The following LPP variants were observed in gnomAD, a reference collection of about 807,000 sequenced individuals.
LPP encodes the protein lipoma-preferred partner.
In LPP, 38 loss-of-function variants were observed where a neutral mutation model predicts 60.4. The ratio of observed to expected loss-of-function variants is 0.63; its 90% CI spans 0.49 to 0.83. The LOEUF is 0.83. Ranked by LOEUF, LPP falls within the 40% of genes least tolerant of loss-of-function variation. The probability of loss-of-function intolerance (pLI) is 0.00; values close to 1 mark genes in which losing one functional copy is unlikely to be tolerated. For missense variants in LPP, 902 were observed against 783.6 expected (o/e 1.15, Z -1.80); for synonymous variants, 328 against 290.8 (o/e 1.13, Z -1.30).
intron 7 of LPP, among the ~76,000 whole-genome samples, chr3:188,694,320 T>A (rs917338214): frequency 6.6e-6 from 1 of 152,222 alleles, no homozygotes; most frequent in African/African-American, 2.4e-5. Flanking sequence ...ATTTTAAGAT[T>A]TAACATTAAT....
chr3:188,402,527 G>C (rs1782494883), intron 3 of LPP, among the ~76,000 whole-genome samples: 1 of 152,276 alleles, frequency 6.6e-6, no homozygotes, highest in South Asian at 2.1e-4. Context: ...TGCCAAGATA[G>C]TTCAATATCT....
Position 188,731,376 on chromosome 3 carries a change from G to C in LPP, c.1240+22983G>C, listed in dbSNP as rs765760951. On this transcript the variant is annotated intron_variant, in intron 8 of 11. Transcript: ENST00000617246. ...ATTTAACAACCACATGAAGCTCCTGGATTATCTGGGGCATGTTTGCTGATT... is the reference window on the plus strand; with the variant it reads ...ATTTAACAACCACATGAAGCTCCTGCATTATCTGGGGCATGTTTGCTGATT... 5.1e-4 allele frequency among the ~76,000 whole-genome samples: 78 copies of C among 152,114 alleles called. 2 individuals are homozygous for C. Among genetic ancestry groups the C allele is most frequent in the Non-Finnish European group, 1.5e-4 (10 of 68,026 alleles).
intron 7 of LPP, among the ~76,000 whole-genome samples, chr3:188,693,044 T>G (rs1862458254): frequency 6.6e-6 from 1 of 152,078 alleles, no homozygotes; most frequent in African/African-American, 2.4e-5. Context: ...GCATTTAGAG[T>G]TTTTGATGAT....
chr3:188,710,169 C>T (rs187454024), intron 8 of LPP: 78 of 152,256 alleles, frequency 5.1e-4, no homozygotes, highest in African/African-American at 1.9e-3. Context: ...TATGTAATGA[C>T]AGGTCAACTG....
chr3:188,739,817 G>T (rs1238898961), intron 8 of LPP, among the ~76,000 whole-genome samples: 1 of 151,992 alleles, frequency 6.6e-6, no homozygotes, highest in Non-Finnish European at 1.5e-5. Flanking sequence ...CTAAAAGCCA[G>T]AGTTTGGAAA....
intron 2 of LPP, among the ~76,000 whole-genome samples, chr3:188,240,671 A>G (rs142351424): frequency 6.6e-6 from 1 of 151,644 alleles, no homozygotes; most frequent in South Asian, 2.1e-4. Context: ...CAATCATGTC[A>G]ACTAGTAAGG....
Position 188,178,138 on chromosome 3 carries a change from G to A in LPP, c.-190+23886G>A, listed in dbSNP as rs1026512148. On this transcript the variant is annotated intron_variant, in intron 1 of 11. Coordinates refer to ENST00000617246, the MANE Select transcript of LPP (RefSeq NM_001375462.1). ...CTGATGGAGCTCCTGGAGTTTCTAGGTTCTCTGTCACTTGATAGTCAGTGC... is the reference window on the plus strand; with the variant it reads ...CTGATGGAGCTCCTGGAGTTTCTAGATTCTCTGTCACTTGATAGTCAGTGC... Among the ~76,000 whole-genome samples the A allele has an allele frequency of 2.6e-5, 4 of 152,274 alleles. 1 individual carries two copies. In the South Asian group the frequency reaches 8.3e-4, roughly 32 times the overall value.
intron 4 of LPP, among the ~76,000 whole-genome samples, chr3:188,441,609 CTTTTT>C (rs1004222826): frequency 8.3e-4 from 46 of 55,642 alleles, no homozygotes; most frequent in South Asian, 4.3e-3. Context: ...CTTTTCTTTT[CTTTTT>C]TTTTTTTTTT....
At chr3:188,848,515 A>T (rs571659886) in intron 9 of LPP, among the ~76,000 whole-genome samples, 1 of 152,350 alleles carries the variant, frequency 6.6e-6, no homozygotes, top group East Asian at 1.9e-4. Context: ...AGTCCTTTGT[A>T]CTATTTTTCT....
intron 6 of LPP, among the ~76,000 whole-genome samples, chr3:188,534,339 T>TA (rs1822996285): frequency 6.6e-6 from 1 of 152,258 alleles, no homozygotes; most frequent in African/African-American, 2.4e-5. Flanking sequence ...AACATTGGTT[T>TA]GAAAAGAAAC....
At chr3:188,820,468 T>C (rs927185048) in intron 9 of LPP, among the ~76,000 whole-genome samples, 1 of 152,108 alleles carries the variant, frequency 6.6e-6, no homozygotes. Flanking sequence ...TGTGCACTCA[T>C]TGGTATAAAA....
At chr3:188,311,299 C>T (rs55905666) in intron 2 of LPP, among the ~76,000 whole-genome samples, 4,412 of 151,760 alleles carry the variant, frequency 0.029, 231 homozygotes, top group African/African-American at 0.1. Context: ...ATAGTGAGAC[C>T]CCATTTCTAC....
intron 9 of LPP, among the ~76,000 whole-genome samples, chr3:188,826,741 T>C (rs981480450): frequency 6.6e-6 from 1 of 152,086 alleles, no homozygotes; most frequent in African/African-American, 2.4e-5. Context: ...ATTGCCCTAA[T>C]TGTCCTGGCT....
intron 1 of LPP, chr3:188,180,274 G>A (rs1330612499): frequency 6.5e-6 from 1 of 154,814 alleles, no homozygotes; most frequent in Non-Finnish European, 1.5e-5. Flanking sequence ...TGCCCACCTT[G>A]CCCTGCTCTC....
At chr3:188,791,956 T>G (rs1045760518) in intron 9 of LPP, among the ~76,000 whole-genome samples, 2 of 152,134 alleles carry the variant, frequency 1.3e-5, no homozygotes, top group African/African-American at 2.4e-5. Flanking sequence ...GCTTAACACA[T>G]AGTAGATGCT....
intron 9 of LPP, among the ~76,000 whole-genome samples, chr3:188,781,408 A>G (rs1669059130): frequency 6.6e-6 from 1 of 152,120 alleles, no homozygotes; most frequent in East Asian, 1.9e-4. Flanking sequence ...ATCCGTTTTC[A>G]CACTGTGAGG....
intron 4 of LPP, among the ~76,000 whole-genome samples, chr3:188,438,354 TACACACACACACACACAC>T (rs67832532): frequency 2.2e-3 from 309 of 138,094 alleles, no homozygotes; most frequent in African/African-American, 5.2e-3. Flanking sequence ...TTCCATGCAT[TACACACACACACACACAC>T]ACACACACAC....
At chr3:188,773,255 A>G (rs906505160) in intron 9 of LPP, among the ~76,000 whole-genome samples, 1 of 151,876 alleles carries the variant, frequency 6.6e-6, no homozygotes, top group African/African-American at 2.4e-5. Flanking sequence ...GTCCCTGCAG[A>G]GTAAGGGGAT....
intron 4 of LPP, among the ~76,000 whole-genome samples, chr3:188,443,220 T>TC (rs1794460811): frequency 6.6e-6 from 1 of 152,234 alleles, no homozygotes; most frequent in Admixed American, 6.5e-5. Context: ...TATTAAGTGT[T>TC]CATTGACCAC....
Sources: gnomAD v4.1 joint callset for allele counts (sites outside exome capture counted in the v4.1 genomes callset) on GRCh38, gnomAD v4.1.1 for gene constraint, MANE v1.5 for transcripts, NCBI Gene and HGNC (gene_info 2026-07-23, HGNC 2026-07-21) for gene names.